SYN3: variants seen among roughly 807,000 people sequenced by gnomAD.
SYN3 encodes synapsin III.
SYN3 carries 35 observed loss-of-function variants against 65.8 expected under a neutral mutation model. The ratio of observed to expected loss-of-function variants is 0.53; its 90% confidence interval spans 0.41 to 0.70. The LOEUF (loss-of-function observed/expected upper bound fraction) is 0.70. SYN3 is among the 30% of genes least tolerant of loss of function. The pLI is 0.00. For synonymous variants in SYN3, 270 were observed against 292.9 expected (o/e 0.92, Z 0.80); for missense variants, 680 against 749.0 (o/e 0.91, Z 1.08).
At chr22:32,875,430 C>T (rs942504156) in intron 4 of SYN3, among the ~76,000 whole-genome samples, 1 of 152,208 alleles carries the variant, frequency 6.6e-6, no homozygotes, top group Non-Finnish European at 1.5e-5. Flanking sequence ...TTGCTCTATC[C>T]TCTTCCTCCT....
chr22:33,025,265 C>A (rs2053621814), intron 1 of SYN3, among the ~76,000 whole-genome samples: 1 of 151,700 alleles, frequency 6.6e-6, no homozygotes, highest in Non-Finnish European at 1.5e-5. Context: ...ACCAGCCTGG[C>A]CAATATGGTA....
intron 6 of SYN3, among the ~76,000 whole-genome samples, chr22:32,613,856 T>G (rs2146701916): frequency 6.6e-6 from 1 of 152,324 alleles, no homozygotes; most frequent in African/African-American, 2.4e-5. Flanking sequence ...CCATGCTTTC[T>G]TTAGCTTCTC....
At chr22:32,963,119 C>A (rs2051712175) in intron 3 of SYN3, among the ~76,000 whole-genome samples, 1 of 151,042 alleles carries the variant, frequency 6.6e-6, no homozygotes, top group Admixed American at 6.6e-5. Context: ...CTCCATCACC[C>A]AGGCTGGACA....
rs1601490396 is a variant in SYN3, at chr22:32,833,700, G to A, written c.711+31215C>T. Reference sequence around the variant, plus strand: ...CAGGCTGCCTGGACTGGCATGCTATGTCCACCACTTCCGCATTAGATGATC... The same window carrying A: ...CAGGCTGCCTGGACTGGCATGCTATATCCACCACTTCCGCATTAGATGATC... On this transcript the variant is annotated intron_variant, in intron 6 of 13. Transcript: ENST00000358763. 1.1e-5 allele frequency: 5 copies of A among 461,548 alleles called. No homozygotes were observed. In the East Asian group the frequency reaches 2.8e-4, roughly 26 times the overall value. The allele number at this position is 461,548 out of a possible 1,614,324, so 28.6% of individuals were successfully genotyped here.
chr22:32,516,166 T>A (rs1336653337), intron 13 of SYN3, among the ~76,000 whole-genome samples: 1 of 152,080 alleles, frequency 6.6e-6, no homozygotes, highest in East Asian at 1.9e-4. Flanking sequence ...CCTGTGTGTG[T>A]GAGAAAATGA....
At chr22:32,746,850 T>C (rs1462329518) in intron 6 of SYN3, among the ~76,000 whole-genome samples, 1 of 152,172 alleles carries the variant, frequency 6.6e-6, no homozygotes, top group Non-Finnish European at 1.5e-5. Flanking sequence ...TTCTTTCCCA[T>C]TAAGCCAGAC....
chr22:32,762,953 T>A (rs1380654369), intron 6 of SYN3, among the ~76,000 whole-genome samples: 5 of 152,212 alleles, frequency 3.3e-5, no homozygotes, highest in African/African-American at 1.2e-4. Flanking sequence ...GCAAGGAATA[T>A]TAATCACATA....
At chr22:32,604,218 G>A (rs1000320460) in intron 6 of SYN3, among the ~76,000 whole-genome samples, 4 of 152,202 alleles carry the variant, frequency 2.6e-5, no homozygotes, top group African/African-American at 9.7e-5. Context: ...AATCAAGATC[G>A]AGAAGAATCT....
chr22:32,985,084 C>T (rs1478882171), intron 2 of SYN3, among the ~76,000 whole-genome samples: 1 of 152,222 alleles, frequency 6.6e-6, no homozygotes, highest in African/African-American at 2.4e-5. Context: ...CTTGTGCAAG[C>T]TTGGGTAAGC....
At chr22:32,731,326 G>A (rs2061267739) in intron 6 of SYN3, among the ~76,000 whole-genome samples, 1 of 152,124 alleles carries the variant, frequency 6.6e-6, no homozygotes, top group Non-Finnish European at 1.5e-5. Flanking sequence ...GGGGTTGGGG[G>A]CATCTTTGCA....
intron 6 of SYN3, among the ~76,000 whole-genome samples, chr22:32,822,741 G>A (rs924103283): frequency 3.3e-5 from 5 of 152,212 alleles, no homozygotes; most frequent in Admixed American, 6.5e-5. Context: ...GTCAAAGGAG[G>A]TGGGTGTGGC....
intron 6 of SYN3, among the ~76,000 whole-genome samples, chr22:32,772,959 A>T (rs1288577028): frequency 6.6e-6 from 1 of 152,222 alleles, no homozygotes; most frequent in Non-Finnish European, 1.5e-5. Context: ...GCCACAAGAA[A>T]CTAGTGCAAG....
At chr22:33,058,022 C>T (rs2054281113) in intron 1 of SYN3, among the ~76,000 whole-genome samples, 1 of 152,032 alleles carries the variant, frequency 6.6e-6, no homozygotes, top group Non-Finnish European at 1.5e-5. Context: ...CCCCCGGCTC[C>T]CGGGCCCGGC....
chr22:32,665,133 G>T (rs1234422451), intron 6 of SYN3, among the ~76,000 whole-genome samples: 41 of 151,590 alleles, frequency 2.7e-4, no homozygotes, highest in Admixed American at 2.7e-3. Context: ...ACATACCTGG[G>T]ACTACAGGCA....
intron 6 of SYN3, among the ~76,000 whole-genome samples, chr22:32,756,059 C>T (rs4821093): frequency 0.58 from 82,928 of 143,534 alleles, 23,295 homozygotes; most frequent in East Asian, 0.62. Context: ...CATCACACAC[C>T]GGGGCCTGTG....
chr22:32,852,772 G>A (rs1399342453), intron 6 of SYN3, among the ~76,000 whole-genome samples: 2 of 152,170 alleles, frequency 1.3e-5, no homozygotes, highest in Admixed American at 1.3e-4. Flanking sequence ...GTGTTAGAAT[G>A]TTGAGAGAGC....
chr22:32,873,142 G>C (rs1184560723), intron 4 of SYN3, among the ~76,000 whole-genome samples: 2 of 152,070 alleles, frequency 1.3e-5, no homozygotes, highest in East Asian at 3.9e-4. Flanking sequence ...GTAGAGGCAA[G>C]GTTTTGCCAT....
At chr22:32,997,712 G>A (rs2052922215) in intron 2 of SYN3, among the ~76,000 whole-genome samples, 1 of 152,108 alleles carries the variant, frequency 6.6e-6, no homozygotes, top group African/African-American at 2.4e-5. Flanking sequence ...GAGTCAAGGT[G>A]AGAGGGAAAA....
chr22:32,642,629 A>G (rs2059918783), intron 6 of SYN3, among the ~76,000 whole-genome samples: 1 of 151,810 alleles, frequency 6.6e-6, no homozygotes, highest in Non-Finnish European at 1.5e-5. Flanking sequence ...TTTAGTCGAG[A>G]TGGGGTTTCA....
Sources: gnomAD v4.1 joint callset for allele counts (sites outside exome capture counted in the v4.1 genomes callset) on GRCh38, gnomAD v4.1.1 for gene constraint, MANE v1.5 for transcripts, NCBI Gene and HGNC (gene_info 2026-07-23, HGNC 2026-07-21) for gene names.